The following WNT9A variants were observed in gnomAD, a reference collection of about 807,000 sequenced individuals.
WNT9A encodes protein Wnt-9a.
WNT9A carries 8 observed loss-of-function variants against 31.4 expected under a neutral mutation model. That is an observed-to-expected ratio of 0.26 (90% CI 0.15 to 0.46). The LOEUF is 0.46. WNT9A is among the 20% of genes least tolerant of loss of function. The pLI, the probability that WNT9A is intolerant of heterozygous loss-of-function variation, is 0.99. For missense variants in WNT9A, 457 were observed against 522.9 expected (o/e 0.87, Z 1.23); for synonymous variants, 236 against 220.1 (o/e 1.07, Z -0.64).
chr1:227,919,686 T>TACACACACACACAC lies in WNT9A; in HGVS notation c.*1818_*1831dup, dbSNP rs59594965. The TACACACACACACAC allele has an allele frequency of 5.9e-5, 8 of 135,912 alleles. No individual in the cohort carries two copies. Among genetic ancestry groups the TACACACACACACAC allele is most frequent in the African/African-American group, 2.1e-4 (8 of 38,008 alleles). The allele number at this position is 135,912 out of a possible 1,614,324, so 8.4% of individuals were successfully genotyped here. ...CACAGCCAAGCTGACCATGCCAGTA[T>TACACACACACACAC]ACACACACACACACACACACACACA... On this transcript the variant is annotated 3_prime_UTR_variant, in exon 4 of 4. Coordinates refer to ENST00000272164, the MANE Select transcript of WNT9A (RefSeq NM_003395.4).
At chr1:227,923,887 C>A (rs1225290539) in intron 3 of WNT9A, among the ~76,000 whole-genome samples, 2 of 152,154 alleles carry the variant, frequency 1.3e-5, no homozygotes, top group Non-Finnish European at 2.9e-5. Flanking sequence ...ACATGGGGTA[C>A]CCCTCTAGAG....
At chr1:227,931,938 G>C (rs1666519119) in intron 1 of WNT9A, among the ~76,000 whole-genome samples, 1 of 150,700 alleles carries the variant, frequency 6.6e-6, no homozygotes. Flanking sequence ...GGCCAGGCTG[G>C]TCTGGAACTC....
chr1:227,945,192 A>G (rs1310597078), intron 1 of WNT9A, among the ~76,000 whole-genome samples: 1 of 152,248 alleles, frequency 6.6e-6, no homozygotes, highest in Non-Finnish European at 1.5e-5. Flanking sequence ...CCCTCTTGCT[A>G]TAACCTTGGG....
At chr1:227,947,248 G>A (rs1469910968) in intron 1 of WNT9A, among the ~76,000 whole-genome samples, 2 of 152,172 alleles carry the variant, frequency 1.3e-5, no homozygotes, top group African/African-American at 2.4e-5. Flanking sequence ...CCGGGCCACA[G>A]AGTCAGAAGC....
At chr1:227,941,895 G>T (rs989419480) in intron 1 of WNT9A, among the ~76,000 whole-genome samples, 1 of 152,086 alleles carries the variant, frequency 6.6e-6, no homozygotes, top group African/African-American at 2.4e-5. Context: ...ATCAGGTGGC[G>T]CGACCGAGGC....
Position 227,919,182 on chromosome 1 carries a change from A to G in WNT9A, c.*2336T>C, listed in dbSNP as rs1248267725. Reference sequence around the variant, plus strand: ...TGACTTGACGCCCTTCATAGACCCAATAGTGACTGAGTGACAGTCTTGTCA... The same window carrying G: ...TGACTTGACGCCCTTCATAGACCCAGTAGTGACTGAGTGACAGTCTTGTCA... On this transcript the variant is annotated 3_prime_UTR_variant, in exon 4 of 4. Coordinates refer to ENST00000272164, the MANE Select transcript of WNT9A (RefSeq NM_003395.4). 6.6e-6 allele frequency: 1 copy of G among 152,242 alleles called. No homozygotes were observed. Among genetic ancestry groups the G allele is most frequent in the African/African-American group, 2.4e-5 (1 of 41,466 alleles). The allele number at this position is 152,242 out of a possible 1,614,324, so 9.4% of individuals were successfully genotyped here.
chr1:227,941,694 C>G (rs1666709064), intron 1 of WNT9A: 1 of 153,492 alleles, frequency 6.5e-6, no homozygotes, highest in South Asian at 2.0e-4. Context: ...CATCAGAGGT[C>G]AACTTCCAGC....
chr1:227,939,641 C>T (rs535781575), intron 1 of WNT9A, among the ~76,000 whole-genome samples: 226 of 152,252 alleles, frequency 1.5e-3, no homozygotes, highest in Non-Finnish European at 2.7e-3. Flanking sequence ...TCACCAAGGC[C>T]GGACTCCGAC....
rs1294254718 is a variant in WNT9A, at chr1:227,942,672, C to T, written c.95+5121G>A. Among the ~76,000 whole-genome samples the T allele has an allele frequency of 6.6e-6, 1 of 152,202 alleles. No homozygotes were observed. Among genetic ancestry groups the T allele is most frequent in the East Asian group, 1.9e-4 (1 of 5,182 alleles). On this transcript the variant is annotated intron_variant, in intron 1 of 3. Transcript: ENST00000272164. The surrounding 1 kb of genome is among the most constrained non-coding windows in gnomAD (Gnocchi z 5.7). ...CCTGGCCCCTTTCCTCCCTGCCCTT[C>T]TGGCCCTCCAGAGCACTCTGTGTGG...
intron 1 of WNT9A, among the ~76,000 whole-genome samples, chr1:227,944,864 A>C (rs1666770037): frequency 6.6e-6 from 1 of 152,250 alleles, no homozygotes; most frequent in African/African-American, 2.4e-5. Context: ...CAGGGTCTTT[A>C]AAAAAGAACT....
intron 1 of WNT9A, among the ~76,000 whole-genome samples, chr1:227,937,242 C>T (rs950672487): frequency 1.3e-5 from 2 of 152,202 alleles, no homozygotes; most frequent in Non-Finnish European, 2.9e-5. Context: ...TGAGGAGAGC[C>T]GCTGCACTCA....
chr1:227,934,627 G>C (rs767255772), intron 1 of WNT9A, among the ~76,000 whole-genome samples: 1 of 152,134 alleles, frequency 6.6e-6, no homozygotes, highest in Non-Finnish European at 1.5e-5. Flanking sequence ...ACGTTGGCCT[G>C]TAGTTCTCTC....
chr1:227,921,109 C>CGGTGG lies in WNT9A; in HGVS notation c.*408_*409insCCACC. The CGGTGG allele has an allele frequency of 4.7e-6, 1 of 214,874 alleles. No individual in the cohort carries two copies. Among genetic ancestry groups the CGGTGG allele is most frequent in the Non-Finnish European group, 9.4e-6 (1 of 106,560 alleles). 13.3% of individuals were successfully genotyped at this position (214,874 alleles called of 1,614,324 possible). The stretch of plus-strand genomic sequence containing the variant: ...CTCGTCCCTTGCAGGTGTAGACCTT[C>CGGTGG]TCACACCATGTGCAATGCCTGCACT... On this transcript the variant is annotated 3_prime_UTR_variant, in exon 4 of 4. Coordinates refer to ENST00000272164, the MANE Select transcript of WNT9A (RefSeq NM_003395.4).
intron 1 of WNT9A, among the ~76,000 whole-genome samples, chr1:227,943,874 T>C (rs1666752678): frequency 6.6e-6 from 1 of 152,126 alleles, no homozygotes; most frequent in African/African-American, 2.4e-5. Context: ...CCCAGCTACT[T>C]GGGATGCTGA....
Position 227,925,463 on chromosome 1 carries a change from G to A in WNT9A, c.152C>T (p.Ala51Val). Reference sequence around the variant, plus strand: ...GCAGGCCTTGTAGTGCGCCTGGGCAGCCGCCTCTGGCTCCAGGGTCAGCGG... The same window carrying A: ...GCAGGCCTTGTAGTGCGCCTGGGCAACCGCCTCTGGCTCCAGGGTCAGCGG... Reference protein sequence around the residue: ...ILPLTLEPEAAAQAHYKACDR... With the variant: ...ILPLTLEPEAVAQAHYKACDR... Residue 51 changes from alanine to valine, a missense_variant, in exon 2 of 4, where the codon GCT (alanine) becomes GTT (valine). By Grantham distance (64) the Ala-to-Val change is moderately conservative. Coordinates refer to ENST00000272164, the MANE Select transcript of WNT9A (RefSeq NM_003395.4). The surrounding 1 kb of genome is among the most constrained non-coding windows in gnomAD (Gnocchi z 6.0). The A allele has an allele frequency of 6.4e-7, 1 of 1,573,714 alleles. No individual in the cohort carries two copies.
In WNT9A at chr1:227,925,465, C is replaced by T. The variant is rs112654620; in HGVS notation, c.150G>A (p.Ala50=). Residue 50 remains alanine (A), a synonymous_variant, in exon 2 of 4, where the codon GCG becomes GCA. Coordinates refer to ENST00000272164, the MANE Select transcript of WNT9A (RefSeq NM_003395.4). The surrounding 1 kb of genome is among the most constrained non-coding windows in gnomAD (Gnocchi z 6.0). ...AGGCCTTGTAGTGCGCCTGGGCAGC[C>T]GCCTCTGGCTCCAGGGTCAGCGGGA... ...TILPLTLEPE[A]AAQAHYKACD... 923 of 1,577,068 alleles carry T rather than the reference C, an allele frequency of 5.9e-4. 9 individuals are homozygous for T. In the African/African-American group the frequency reaches 0.011, roughly 20 times the overall value.
At chr1:227,945,224 C>A (rs773324691) in intron 1 of WNT9A, among the ~76,000 whole-genome samples, 83 of 152,220 alleles carry the variant, frequency 5.5e-4, no homozygotes, top group Non-Finnish European at 1.1e-3. Flanking sequence ...AGTCTGTACC[C>A]CAAGCCCTCC....
intron 1 of WNT9A, among the ~76,000 whole-genome samples, chr1:227,931,591 C>T (rs529939297): frequency 2.0e-5 from 3 of 152,216 alleles, no homozygotes; most frequent in South Asian, 4.1e-4. Flanking sequence ...TTCAGATCAT[C>T]GCAATAAAGA....
chr1:227,936,289 A>C (rs991626016), intron 1 of WNT9A, among the ~76,000 whole-genome samples: 1 of 151,988 alleles, frequency 6.6e-6, no homozygotes, highest in Non-Finnish European at 1.5e-5. Context: ...CCTGGGTTCA[A>C]GCGATTGTTC....
Sources: allele counts gnomAD v4.1 joint callset (sites outside exome capture counted in the v4.1 genomes callset), GRCh38; gene constraint gnomAD v4.1.1; non-coding constraint Gnocchi (gnomAD v3.1); transcripts MANE v1.5; gene names NCBI Gene and HGNC (gene_info 2026-07-23, HGNC 2026-07-21).